SDK1: variants seen among roughly 807,000 people sequenced by gnomAD.
SDK1 encodes sidekick cell adhesion molecule 1.
Under a neutral mutation model 245.5 loss-of-function variants are expected in SDK1, and 157 were observed. The observed-to-expected ratio is 0.64, with a 90% CI of 0.56 to 0.73. The LOEUF (loss-of-function observed/expected upper bound fraction) is 0.73, where lower values mean the gene tolerates loss of function less well. Ranked by LOEUF, SDK1 falls within the 30% of genes least tolerant of loss-of-function variation. The pLI, the probability that SDK1 is intolerant of heterozygous loss-of-function variation, is 0.00. For missense variants in SDK1, 3,583 were observed against 3,002.3 expected, an observed-to-expected ratio of 1.19 and a Z score of -4.52; for synonymous variants, 1,647 against 1,278.5, an observed-to-expected ratio of 1.29 and a Z score of -6.15.
intron 4 of SDK1, among the ~76,000 whole-genome samples, chr7:3,670,835 C>T (rs1016913249): frequency 1.3e-5 from 2 of 152,114 alleles, no homozygotes; most frequent in African/African-American, 4.8e-5. Flanking sequence ...TTAGGTATCC[C>T]CTTTTACTAC....
chr7:4,227,877 G>A (rs1467033271), intron 40 of SDK1, among the ~76,000 whole-genome samples: 1 of 152,190 alleles, frequency 6.6e-6, no homozygotes, highest in Admixed American at 6.5e-5. Flanking sequence ...GCCTCCTACC[G>A]CTTGGGCGGG....
At chr7:4,042,721 G>T (rs1426958483) in intron 17 of SDK1, among the ~76,000 whole-genome samples, 2 of 152,204 alleles carry the variant, frequency 1.3e-5, no homozygotes, top group Admixed American at 6.5e-5. Context: ...CTGCAGCATA[G>T]TTGGACTAAG....
At chr7:3,810,689 C>A (rs974579713) in intron 4 of SDK1, among the ~76,000 whole-genome samples, 2 of 152,160 alleles carry the variant, frequency 1.3e-5, no homozygotes, top group African/African-American at 4.8e-5. Flanking sequence ...CATTTCTTTT[C>A]TGTCCCTCCT....
At chr7:3,929,221 C>T (rs1002065812) in intron 5 of SDK1, among the ~76,000 whole-genome samples, 10 of 152,306 alleles carry the variant, frequency 6.6e-5, no homozygotes, top group Admixed American at 4.6e-4. Context: ...GCAAGCTTGC[C>T]GCCAAATTCC....
At chr7:3,695,605 T>C (rs10282067) in intron 4 of SDK1, among the ~76,000 whole-genome samples, 122,310 of 152,178 alleles carry the variant, frequency 0.8, 49,282 homozygotes, top group African/African-American at 0.83. Context: ...TACCATACTT[T>C]GATATGAATA....
intron 2 of SDK1, among the ~76,000 whole-genome samples, chr7:3,623,092 C>G (rs1022388959): frequency 1.3e-5 from 2 of 151,994 alleles, no homozygotes; most frequent in Admixed American, 6.6e-5. Context: ...TTAACAGGAC[C>G]CTTATTTTTC....
intron 1 of SDK1, among the ~76,000 whole-genome samples, chr7:3,387,055 G>A (rs1781626159): frequency 6.6e-6 from 1 of 152,012 alleles, no homozygotes; most frequent in Admixed American, 6.6e-5. Flanking sequence ...TTCAAAAATG[G>A]TTTCCCAAGT....
chr7:3,814,145 T>A (rs1253451480), intron 4 of SDK1, among the ~76,000 whole-genome samples: 1 of 148,506 alleles, frequency 6.7e-6, no homozygotes, highest in South Asian at 2.2e-4. Flanking sequence ...TTTTGGCTTT[T>A]GTTGCCATTG....
At position 4,266,684 on chromosome 7, in the gene SDK1, C is replaced by T. The variant is rs909825330; in HGVS notation, c.*1300C>T. On this transcript the variant is annotated 3_prime_UTR_variant, in exon 45 of 45. Coordinates refer to ENST00000404826, the MANE Select transcript of SDK1 (RefSeq NM_152744.4). ...CTCAGAGATGGCCATGCCTCCAGCC[C>T]CTCACGTCATCTTTGCAACAGACGA... 3.6e-5 allele frequency: 35 copies of T among 985,354 alleles called. No homozygotes were observed. The highest frequency in any genetic ancestry group is 3.9e-5 in the Non-Finnish European group (32 of 829,950). The allele number at this position is 985,354 out of a possible 1,614,324, so 61.0% of individuals were successfully genotyped here. A position where few individuals can be genotyped will look rare whatever the true frequency, so the allele number is the denominator to read the frequency against.
At chr7:4,070,380 A>T (rs1354338729) in intron 20 of SDK1, among the ~76,000 whole-genome samples, 3 of 152,018 alleles carry the variant, frequency 2.0e-5, no homozygotes, top group Non-Finnish European at 4.4e-5. Flanking sequence ...ATATCCAAGG[A>T]CTCGTGGCAT....
chr7:3,432,845 A>T (rs563494075), intron 1 of SDK1, among the ~76,000 whole-genome samples: 6 of 152,322 alleles, frequency 3.9e-5, no homozygotes, highest in East Asian at 1.9e-4. Context: ...TCTGAAAGAG[A>T]TTTCTCCTAA....
At chr7:3,956,390 T>G (rs933920127) in intron 7 of SDK1, among the ~76,000 whole-genome samples, 1 of 152,194 alleles carries the variant, frequency 6.6e-6, no homozygotes. Flanking sequence ...AAACTCCATC[T>G]GAGCAGCCGC....
intron 1 of SDK1, among the ~76,000 whole-genome samples, chr7:3,560,267 T>A (rs1412887142): frequency 6.6e-6 from 1 of 152,138 alleles, no homozygotes; most frequent in Non-Finnish European, 1.5e-5. Context: ...AATGTCCAAT[T>A]AATTACATTT....
chr7:4,079,343 A>T, intron 21 of SDK1, 120 bp from the exon 22 acceptor site: 1 of 1,223,910 alleles, frequency 8.2e-7, no homozygotes, highest in Non-Finnish European at 1.1e-6. Flanking sequence ...TTGAGAGCAA[A>T]TCCTTTTTTG....
At chr7:3,571,550 C>G (rs569138657) in intron 1 of SDK1, among the ~76,000 whole-genome samples, 1 of 152,172 alleles carries the variant, frequency 6.6e-6, no homozygotes, top group East Asian at 1.9e-4. Context: ...AGTGATCTTC[C>G]TGCCTTAGCC....
intron 1 of SDK1, among the ~76,000 whole-genome samples, chr7:3,370,048 T>G (rs1030581797): frequency 5.9e-5 from 9 of 152,210 alleles, no homozygotes; most frequent in Admixed American, 5.2e-4. Flanking sequence ...TTTGGCTCAG[T>G]TGGATTCAGA....
At chr7:4,088,367 C>T (rs778296744) in intron 22 of SDK1, among the ~76,000 whole-genome samples, 24 of 152,112 alleles carry the variant, frequency 1.6e-4, no homozygotes, top group African/African-American at 4.3e-4. Context: ...AGGGCTAAAG[C>T]GTCTTCTATC....
intron 1 of SDK1, among the ~76,000 whole-genome samples, chr7:3,600,841 C>T (rs1422600949): frequency 6.6e-6 from 1 of 152,102 alleles, no homozygotes; most frequent in African/African-American, 2.4e-5. Context: ...AGCCACCGTG[C>T]CTGGCCAATG....
intron 4 of SDK1, among the ~76,000 whole-genome samples, chr7:3,724,344 A>C (rs1363887307): frequency 6.6e-6 from 1 of 151,980 alleles, no homozygotes. Flanking sequence ...AGACTGAGGC[A>C]GGAGGATTGC....
Sources: gnomAD v4.1 joint callset for allele counts (sites outside exome capture counted in the v4.1 genomes callset) on GRCh38, gnomAD v4.1.1 for gene constraint, MANE v1.5 for transcripts, NCBI Gene and HGNC (gene_info 2026-07-23, HGNC 2026-07-21) for gene names.